UGT3A2: variants seen among roughly 807,000 people sequenced by gnomAD.
UGT3A2 encodes UDP glycosyltransferase family 3 member A2.
Under a neutral mutation model 39.8 loss-of-function variants are expected in UGT3A2, and 32 were observed. The ratio of observed to expected loss-of-function variants is 0.80; its 90% confidence interval spans 0.61 to 1.08. The LOEUF is 1.08. Ranked by LOEUF, UGT3A2 falls within the 50% of genes least tolerant of loss-of-function variation. UGT3A2 has a pLI of 0.00. For missense variants in UGT3A2, 611 were observed against 637.1 expected (o/e 0.96, Z 0.44); for synonymous variants, 241 against 230.7 (o/e 1.04, Z -0.40).
chr5:36,056,256 C>A (rs1037924540), intron 2 of UGT3A2, among the ~76,000 whole-genome samples: 1 of 152,182 alleles, frequency 6.6e-6, no homozygotes, highest in Non-Finnish European at 1.5e-5. Flanking sequence ...GGTGGAATAG[C>A]CCAGGCTTTG....
chr5:36,058,890 T>G (rs1008461059), intron 2 of UGT3A2, among the ~76,000 whole-genome samples: 1 of 152,050 alleles, frequency 6.6e-6, no homozygotes, highest in Non-Finnish European at 1.5e-5. Context: ...AAGTGGTGCC[T>G]GAACAGGGAT....
At position 36,051,922 on chromosome 5, in the gene UGT3A2, T is replaced by C; in HGVS notation, c.259A>G (p.Arg87Gly). The C allele has an allele frequency of 6.3e-7, 1 of 1,594,054 alleles. No homozygotes were observed. Among genetic ancestry groups the C allele is most frequent in the Admixed American group, 1.9e-5 (1 of 53,398 alleles). Residue 87 changes from arginine (R) to glycine (G), a missense_variant, in exon 3 of 7, where the codon AGA (arginine) becomes GGA (glycine). By Grantham distance (125) the Arg-to-Gly change is moderately radical (BLOSUM62 -2). Coordinates refer to ENST00000282507, the MANE Select transcript of UGT3A2 (RefSeq NM_174914.4). The stretch of plus-strand genomic sequence containing the variant: ...AAATCAAAACTCTTTTTAAATTCTC[T>C]TTGATGATCTTCAGGTGCAAGCCAA... ...ISWLAPEDHQ[R>G]EFKKSFDFFL...
chr5:36,060,201 A>G (rs1742643752), intron 2 of UGT3A2, among the ~76,000 whole-genome samples: 1 of 152,254 alleles, frequency 6.6e-6, no homozygotes, highest in South Asian at 2.1e-4. Flanking sequence ...CCAACCAGCA[A>G]TTGAGGGCTG....
chr5:36,049,235 A>G lies in UGT3A2; in HGVS notation c.497T>C (p.Leu166Pro). The change falls in exon 4 of 7, where the codon CTT becomes CCT. Residue 166 changes from leucine to proline, a missense_variant. Leu to Pro is a moderately conservative substitution (Grantham distance 98). Coordinates refer to ENST00000282507, the MANE Select transcript of UGT3A2 (RefSeq NM_174914.4). ...EKLGKPFVAI[L>P]STSFGSLEFG... is the part of the protein sequence containing the mutation. ...TTCCAAAGAGCCGAATGAAGTGGAA[A>G]GAATGGCCACAAATGGCTTCCCAAG... is the stretch of plus-strand genomic sequence containing the variant. 1 of 1,614,188 alleles carries G rather than the reference A, an allele frequency of 6.2e-7. No homozygotes were observed. Among genetic ancestry groups the G allele is most frequent in the Non-Finnish European group, 8.5e-7 (1 of 1,180,026 alleles).
chr5:36,056,316 G>A (rs1405991001), intron 2 of UGT3A2, among the ~76,000 whole-genome samples: 1 of 152,200 alleles, frequency 6.6e-6, no homozygotes, highest in Non-Finnish European at 1.5e-5. Flanking sequence ...AGCTTAGTAC[G>A]TCATGTTTCT....
chr5:36,050,674 G>A (rs72744506), intron 3 of UGT3A2, among the ~76,000 whole-genome samples: 14,384 of 152,142 alleles, frequency 0.095, 808 homozygotes, highest in South Asian at 0.17. Flanking sequence ...CCAGCCTGGC[G>A]AACATGGTGA....
intron 5 of UGT3A2, among the ~76,000 whole-genome samples, chr5:36,038,606 G>C (rs1300445896): frequency 6.6e-6 from 1 of 152,184 alleles, no homozygotes; most frequent in African/African-American, 2.4e-5. Context: ...GCGTTACTTA[G>C]AGCTAACTAA....
chr5:36,051,736 G>A (rs2591712), intron 3 of UGT3A2, 134 bp downstream of exon 3: 37,162 of 289,772 alleles, frequency 0.13, 1,515 homozygotes, highest in Non-Finnish European at 0.15. Context: ...CCATCCATCC[G>A]TCCATCCATC....
intron 2 of UGT3A2, among the ~76,000 whole-genome samples, chr5:36,056,769 T>A (rs1312213163): frequency 1.3e-5 from 2 of 152,258 alleles, no homozygotes; most frequent in East Asian, 3.8e-4. Context: ...AGGCTGAGAA[T>A]TTCCAAAACC....
intron 2 of UGT3A2, among the ~76,000 whole-genome samples, chr5:36,052,745 G>GA (rs931833226): frequency 1.5e-4 from 23 of 150,114 alleles, no homozygotes; most frequent in Admixed American, 8.6e-4. Flanking sequence ...CTGAAAAAAA[G>GA]AAAAAAAAAT....
chr5:36,049,661 C>A (rs1464941198), intron 3 of UGT3A2, among the ~76,000 whole-genome samples: 2 of 152,198 alleles, frequency 1.3e-5, no homozygotes, highest in Non-Finnish European at 2.9e-5. Flanking sequence ...ATCCCAACCA[C>A]CATCAATGCC....
At chr5:36,060,639 T>C (rs1274234324) in intron 2 of UGT3A2, among the ~76,000 whole-genome samples, 1 of 152,204 alleles carries the variant, frequency 6.6e-6, no homozygotes, top group Non-Finnish European at 1.5e-5. Flanking sequence ...TTTTAAGTTT[T>C]CATTTTTACG....
chr5:36,048,728 C>T (rs180898522), intron 4 of UGT3A2, among the ~76,000 whole-genome samples, 161 bp downstream of exon 4: 1 of 152,252 alleles, frequency 6.6e-6, no homozygotes, highest in Admixed American at 6.5e-5. Context: ...ATTATACTTG[C>T]ACAACACTGA....
intron 2 of UGT3A2, among the ~76,000 whole-genome samples, chr5:36,056,420 C>A (rs1395892862): frequency 6.6e-6 from 1 of 152,196 alleles, no homozygotes; most frequent in African/African-American, 2.4e-5. Context: ...TCATCCCGGG[C>A]AGCTTTCTGA....
At position 36,038,043 on chromosome 5, in the gene UGT3A2, A is replaced by T. The variant is rs750692436; in HGVS notation, c.1076-27T>A. The T allele has an allele frequency of 1.0e-5, 16 of 1,557,136 alleles. No individual in the cohort carries two copies. In the Admixed American group the frequency reaches 2.6e-4, roughly 26 times the overall value. On this transcript the variant is annotated intron_variant, in intron 5 of 6. Transcript: ENST00000282507. ...TGTTGTAAATAAGAAAGAGGGTGGG[A>T]CACTTCAGGATGAAAATTTCAAAAC...
intron 4 of UGT3A2, among the ~76,000 whole-genome samples, chr5:36,046,543 T>C (rs1278996335): frequency 2.0e-5 from 3 of 152,164 alleles, no homozygotes; most frequent in Non-Finnish European, 4.4e-5. Flanking sequence ...CACTCATTTA[T>C]GGGAGCTAAA....
At position 36,049,380 on chromosome 5, in the gene UGT3A2, C is replaced by T. The variant is rs746767329; in HGVS notation, c.352G>A (p.Ala118Thr). The change falls in exon 4 of 7, where the codon GCG becomes ACG. Residue 118 changes from alanine (A) to threonine (T), a missense_variant. Ala to Thr is a moderately conservative substitution (Grantham distance 58). Coordinates refer to ENST00000282507, the MANE Select transcript of UGT3A2 (RefSeq NM_174914.4). ...ENLLNVLEYL[A>T]LQCSHFLNRK... The stretch of plus-strand genomic sequence containing the variant: ...TTTAAAAAATGACTGCACTGCAACG[C>T]CAAGTATTCTAGAACATTTAATAAG... 1.9e-6 allele frequency: 3 copies of T among 1,593,280 alleles called. No individual in the cohort carries two copies. The highest frequency in any genetic ancestry group is 2.6e-6 in the Non-Finnish European group (3 of 1,173,240).
chr5:36,055,910 TA>T (rs542279767), intron 2 of UGT3A2, among the ~76,000 whole-genome samples: 248 of 152,368 alleles, frequency 1.6e-3, no homozygotes, highest in African/African-American at 5.8e-3. Context: ...ATAGATATTT[TA>T]TTTTATGTGT....
chr5:36,037,811 G>A lies in UGT3A2; in HGVS notation c.1281C>T (p.Ile427=), dbSNP rs1741876583. 6.2e-7 allele frequency: 1 copy of A among 1,614,048 alleles called. No homozygotes were observed. Among genetic ancestry groups the A allele is most frequent in the African/African-American group, 1.3e-5 (1 of 74,934 alleles). ...GAGCTGCATACCTCTTGTCTTCCAT[G>A]ATTTGTTTCATCTTAAGAGCCAATG... ...AETLALKMKQ[I]MEDKRYKSAA... Residue 427 remains isoleucine (I), a synonymous_variant, in exon 6 of 7, where the codon ATC becomes ATT. Transcript: ENST00000282507.
Sources: allele counts gnomAD v4.1 joint callset (sites outside exome capture counted in the v4.1 genomes callset), GRCh38; gene constraint gnomAD v4.1.1; transcripts MANE v1.5; gene names NCBI Gene and HGNC (gene_info 2026-07-23, HGNC 2026-07-21).